GABRA2: variants seen among roughly 807,000 people sequenced by gnomAD.
GABRA2 encodes gamma-aminobutyric acid receptor subunit alpha-2.
A neutral mutation model predicts 48.7 loss-of-function variants in GABRA2; 16 were observed. The ratio of observed to expected loss-of-function variants is 0.33; its 90% CI spans 0.22 to 0.50. The LOEUF is 0.50. Ranked by LOEUF, GABRA2 falls within the 20% of genes least tolerant of loss-of-function variation. The pLI is 0.98. For synonymous variants in GABRA2, 185 were observed against 184.5 expected, an observed-to-expected ratio of 1.00 and a Z score of -0.02; for missense variants, 275 against 535.6, an observed-to-expected ratio of 0.51 and a Z score of 4.80.
intron 3 of GABRA2, chr4:46,366,622 G>A (rs1274046973): frequency 1.3e-5 from 2 of 151,986 alleles, no homozygotes; most frequent in Non-Finnish European, 1.5e-5. Flanking sequence ...TCTAAGGTAG[G>A]GGTCATCAAT....
At chr4:46,326,896 C>T (rs766079960) in intron 4 of GABRA2, among the ~76,000 whole-genome samples, 1 of 151,924 alleles carries the variant, frequency 6.6e-6, no homozygotes, top group Non-Finnish European at 1.5e-5. Flanking sequence ...CTGCTGTGTT[C>T]CATATCCCAG....
At chr4:46,369,840 T>A (rs1714613446) in intron 3 of GABRA2, among the ~76,000 whole-genome samples, 1 of 152,028 alleles carries the variant, frequency 6.6e-6, no homozygotes, top group South Asian at 2.1e-4. Context: ...AAAGGAAATG[T>A]GTGTATATAA....
At chr4:46,340,009 T>C (rs531219412) in intron 3 of GABRA2, among the ~76,000 whole-genome samples, 7 of 151,940 alleles carry the variant, frequency 4.6e-5, no homozygotes, top group African/African-American at 1.7e-4. Flanking sequence ...TATTGTATTT[T>C]ATTTATTCTA....
At chr4:46,253,216 A>T (rs1426986827) in intron 9 of GABRA2, among the ~76,000 whole-genome samples, 2 of 151,396 alleles carry the variant, frequency 1.3e-5, no homozygotes, top group African/African-American at 4.8e-5. Flanking sequence ...ACCCTATACT[A>T]ATTTTAACCA....
chr4:46,321,227 C>A (rs559932683), intron 4 of GABRA2, among the ~76,000 whole-genome samples: 5 of 151,566 alleles, frequency 3.3e-5, no homozygotes, highest in Non-Finnish European at 5.9e-5. Context: ...GCAGTTACTG[C>A]GGTGGGATGT....
At chr4:46,299,000 AT>A (rs1216780958) in intron 8 of GABRA2, among the ~76,000 whole-genome samples, 2 of 151,108 alleles carry the variant, frequency 1.3e-5, no homozygotes, top group Admixed American at 6.6e-5. Context: ...ATATTATATG[AT>A]TATTAGAATC....
intron 8 of GABRA2, among the ~76,000 whole-genome samples, chr4:46,272,817 G>T (rs1432584044): frequency 3.3e-5 from 5 of 152,032 alleles, no homozygotes; most frequent in South Asian, 2.1e-4. Flanking sequence ...GATGAGGCCA[G>T]AAAAGGAAGC....
intron 4 of GABRA2, among the ~76,000 whole-genome samples, chr4:46,327,380 G>A (rs563304437): frequency 5.3e-5 from 8 of 152,022 alleles, no homozygotes; most frequent in African/African-American, 1.9e-4. Context: ...ATAAATTCTA[G>A]GAGGGTGCTG....
At chr4:46,318,359 T>C (rs780747042) in intron 4 of GABRA2, among the ~76,000 whole-genome samples, 12 of 151,268 alleles carry the variant, frequency 7.9e-5, no homozygotes, top group East Asian at 1.9e-4. Flanking sequence ...TAAACAAATA[T>C]AGCTGACTAA....
chr4:46,309,301 C>T (rs1727228611), intron 6 of GABRA2, among the ~76,000 whole-genome samples: 1 of 152,048 alleles, frequency 6.6e-6, no homozygotes, highest in African/African-American at 2.4e-5. Flanking sequence ...AGAAGGCATA[C>T]TATTCAGCAA....
chr4:46,336,713 G>A (rs1732294628), intron 3 of GABRA2, among the ~76,000 whole-genome samples: 1 of 152,060 alleles, frequency 6.6e-6, no homozygotes, highest in Non-Finnish European at 1.5e-5. Context: ...AAGAGAACAG[G>A]AAATAGCCTG....
chr4:46,303,793 A>T (rs1384653913), intron 7 of GABRA2, among the ~76,000 whole-genome samples, 181 bp from the exon 8 acceptor site: 1 of 152,208 alleles, frequency 6.6e-6, no homozygotes. Context: ...TTTAGAAGAA[A>T]ATTTTAGTAT....
chr4:46,380,756 C>T (rs1484449164), intron 3 of GABRA2, among the ~76,000 whole-genome samples: 1 of 152,142 alleles, frequency 6.6e-6, no homozygotes. Context: ...CAGAATTCCT[C>T]TTAGGTTCTG....
Position 46,303,449 on chromosome 4 carries a change from T to C in GABRA2, c.856+11A>G. 1 of 1,611,862 alleles carries C rather than the reference T, an allele frequency of 6.2e-7. No homozygotes were observed. ...ATAATGTGCTGTACTGCAAAGTGTGTATTCACTCACCAAACACAGTTCTTG... is the reference window on the plus strand; with the variant it reads ...ATAATGTGCTGTACTGCAAAGTGTGCATTCACTCACCAAACACAGTTCTTG... On this transcript the variant is annotated intron_variant, in intron 8 of 9. Transcript: ENST00000381620.
intron 3 of GABRA2, among the ~76,000 whole-genome samples, chr4:46,358,604 A>T (rs983838534): frequency 1.3e-5 from 2 of 152,192 alleles, no homozygotes; most frequent in Non-Finnish European, 2.9e-5. Flanking sequence ...AAGTGCATGC[A>T]TTGGATGGTT....
intron 8 of GABRA2, 31 bp downstream of exon 8, chr4:46,303,429 G>C (rs199738883): frequency 1.9e-6 from 3 of 1,575,754 alleles, no homozygotes; most frequent in Non-Finnish European, 2.6e-6. Flanking sequence ...GAAACATAAT[G>C]TGCTGTACTG....
chr4:46,332,482 C>G (rs1236920303), intron 4 of GABRA2, 133 bp downstream of exon 4: 4 of 571,414 alleles, frequency 7.0e-6, no homozygotes, highest in Non-Finnish European at 1.3e-5. Flanking sequence ...CTTTAACTAT[C>G]CATGTATTTG....
intron 3 of GABRA2, among the ~76,000 whole-genome samples, chr4:46,334,434 CT>C (rs751792339): frequency 3.9e-5 from 6 of 152,002 alleles, no homozygotes; most frequent in Admixed American, 6.6e-5. Context: ...CTGAATAAAA[CT>C]TTGTTATAGC....
At chr4:46,267,313 T>C (rs1405003454) in intron 8 of GABRA2, among the ~76,000 whole-genome samples, 1 of 152,100 alleles carries the variant, frequency 6.6e-6, no homozygotes, top group Non-Finnish European at 1.5e-5. Context: ...AATTTTTAAA[T>C]AATTTATATC....
Sources: allele counts gnomAD v4.1 joint callset (sites outside exome capture counted in the v4.1 genomes callset), GRCh38; gene constraint gnomAD v4.1.1; transcripts MANE v1.5; gene names NCBI Gene and HGNC (gene_info 2026-07-23, HGNC 2026-07-21).